Variants in ATF7IP observed in about 807,000 individuals in gnomAD.
ATF7IP encodes the protein activating transcription factor 7-interacting protein 1.
ATF7IP carries 23 observed loss-of-function variants against 106.4 expected under a neutral mutation model. That is an observed-to-expected ratio of 0.22 (90% CI 0.16 to 0.31). The LOEUF (loss-of-function observed/expected upper bound fraction) is 0.31. ATF7IP is among the 10% of genes least tolerant of loss of function. The probability of loss-of-function intolerance (pLI) is 1.00; values close to 1 mark genes in which losing one functional copy is unlikely to be tolerated. For missense variants in ATF7IP, 1,334 were observed against 1,524.3 expected, an observed-to-expected ratio of 0.88 and a Z score of 2.08; for synonymous variants, 542 against 539.0, an observed-to-expected ratio of 1.01 and a Z score of -0.08.
chr12:14,486,638 C>T (rs1944626158), intron 13 of ATF7IP, among the ~76,000 whole-genome samples: 2 of 152,244 alleles, frequency 1.3e-5, no homozygotes, highest in South Asian at 2.1e-4. Flanking sequence ...TCTCTAGGAA[C>T]ACTGTGATTA....
chr12:14,480,868 A>G lies in ATF7IP; in HGVS notation c.3098-135A>G, dbSNP rs1944407139. ...CCTATCATTTTTATCTTAGAAGATC[A>G]TAAAAGGAGACTGTTATTTCTGTTT... On this transcript the variant is annotated intron_variant, in intron 12 of 14. Transcript: ENST00000261168. 4 of 737,930 alleles carry G rather than the reference A, an allele frequency of 5.4e-6. No individual in the cohort carries two copies. In the African/African-American group the frequency reaches 7.1e-5, roughly 13 times the overall value. 45.7% of individuals were successfully genotyped at this position (737,930 alleles called of 1,614,324 possible).
intron 1 of ATF7IP, among the ~76,000 whole-genome samples, chr12:14,382,440 T>C (rs1939037665): frequency 6.6e-6 from 1 of 152,314 alleles, no homozygotes; most frequent in South Asian, 2.1e-4. Flanking sequence ...TAAATCACTT[T>C]TGTTTCCTGT....
At chr12:14,409,066 T>A (rs1023269351) in intron 1 of ATF7IP, among the ~76,000 whole-genome samples, 10 of 152,070 alleles carry the variant, frequency 6.6e-5, no homozygotes, top group Non-Finnish European at 4.4e-5. Context: ...CTTTGGACAC[T>A]TAAAATGTAT....
chr12:14,431,095 A>G (rs375752822), intron 2 of ATF7IP, among the ~76,000 whole-genome samples: 81 of 152,318 alleles, frequency 5.3e-4, no homozygotes, highest in African/African-American at 1.7e-3. Flanking sequence ...CTATTTTGTA[A>G]TCCTTTAAAA....
chr12:14,473,009 A>C (rs1944111011), intron 10 of ATF7IP, among the ~76,000 whole-genome samples: 1 of 152,204 alleles, frequency 6.6e-6, no homozygotes, highest in Non-Finnish European at 1.5e-5. Context: ...GTGAATCCGC[A>C]AGAGAAAAAA....
intron 1 of ATF7IP, among the ~76,000 whole-genome samples, chr12:14,420,623 C>T (rs1410016216): frequency 2.2e-5 from 3 of 133,404 alleles, no homozygotes; most frequent in African/African-American, 9.0e-5. Context: ...AGCGAGACTC[C>T]GTCTCAAAAA....
chr12:14,437,645 G>C (rs933667964), intron 4 of ATF7IP, among the ~76,000 whole-genome samples: 1 of 152,168 alleles, frequency 6.6e-6, no homozygotes, highest in Non-Finnish European at 1.5e-5. Context: ...TTACCCTCTT[G>C]AAGTAGATTT....
At chr12:14,450,359 T>A (rs535032874) in intron 6 of ATF7IP, among the ~76,000 whole-genome samples, 5 of 152,278 alleles carry the variant, frequency 3.3e-5, no homozygotes, top group Non-Finnish European at 7.4e-5. Context: ...TTGATGAGTG[T>A]TTTATTTATT....
At position 14,499,424 on chromosome 12, in the gene ATF7IP, G is replaced by A. The variant is rs1246344494; in HGVS notation, c.*1351G>A. The A allele has an allele frequency of 6.6e-6, 1 of 152,220 alleles. No individual in the cohort carries two copies. Among genetic ancestry groups the A allele is most frequent in the African/African-American group, 2.4e-5 (1 of 41,458 alleles). 9.4% of individuals were successfully genotyped at this position (152,220 alleles called of 1,614,324 possible). Reference sequence around the variant, plus strand: ...TGTTGCACACTGTGTTAGAGATTATGAAAACCATTCTAGTTCAGTTTATCA... The same window carrying A: ...TGTTGCACACTGTGTTAGAGATTATAAAAACCATTCTAGTTCAGTTTATCA... On this transcript the variant is annotated 3_prime_UTR_variant, in exon 15 of 15. Transcript: ENST00000261168.
chr12:14,385,166 G>A, intron 1 of ATF7IP: 1 of 476,508 alleles, frequency 2.1e-6, no homozygotes, highest in Non-Finnish European at 3.7e-6. Flanking sequence ...ATATGCATTA[G>A]CTGTTGTCTA....
chr12:14,403,487 T>C (rs905841517), intron 1 of ATF7IP, among the ~76,000 whole-genome samples: 4 of 152,216 alleles, frequency 2.6e-5, no homozygotes, highest in Non-Finnish European at 5.9e-5. Context: ...CTCTAAGCAC[T>C]GTTCTTTGCA....
intron 9 of ATF7IP, 78 bp from the exon 10 acceptor site, chr12:14,466,448 A>G (rs1759343082): frequency 8.5e-7 from 1 of 1,175,254 alleles, no homozygotes; most frequent in South Asian, 1.3e-5. Context: ...AGAAAACTAC[A>G]TGAATTGTTT....
chr12:14,428,512 C>T (rs1427635500), intron 2 of ATF7IP, among the ~76,000 whole-genome samples: 1 of 152,044 alleles, frequency 6.6e-6, no homozygotes, highest in Non-Finnish European at 1.5e-5. Flanking sequence ...CTTTATATGG[C>T]GACAGAATCT....
chr12:14,371,926 C>T (rs1938547433), intron 1 of ATF7IP, among the ~76,000 whole-genome samples: 1 of 151,884 alleles, frequency 6.6e-6, no homozygotes, highest in South Asian at 2.1e-4. Context: ...AAAGTTCCTG[C>T]CTTTTGAGTT....
chr12:14,441,078 C>G (rs1324594414), intron 5 of ATF7IP, among the ~76,000 whole-genome samples: 1 of 152,058 alleles, frequency 6.6e-6, no homozygotes, highest in Non-Finnish European at 1.5e-5. Flanking sequence ...GTTTTCAAAT[C>G]TTTTAGGAAT....
At chr12:14,456,518 G>GT (rs762218358) in intron 6 of ATF7IP, 43 bp from the exon 7 acceptor site, 1 of 1,388,374 alleles carries the variant, frequency 7.2e-7, no homozygotes, top group Admixed American at 1.7e-5. Context: ...GATTCCCTGT[G>GT]TGTTGAGTTT....
At chr12:14,418,378 C>T (rs535600183) in intron 1 of ATF7IP, among the ~76,000 whole-genome samples, 6 of 152,182 alleles carry the variant, frequency 3.9e-5, no homozygotes, top group Admixed American at 1.3e-4. Context: ...CATCTTCTGC[C>T]GTAAAATACC....
chr12:14,458,342 T>C (rs894417411), intron 8 of ATF7IP, among the ~76,000 whole-genome samples: 1 of 152,216 alleles, frequency 6.6e-6, no homozygotes, highest in Non-Finnish European at 1.5e-5. Flanking sequence ...TGTTTTAAAA[T>C]GTTGATTTGG....
intron 5 of ATF7IP, 120 bp from the exon 6 acceptor site, chr12:14,446,868 C>T (rs1191442843): frequency 9.6e-6 from 6 of 622,736 alleles, no homozygotes; most frequent in East Asian, 6.2e-5. Context: ...TTTCTTTACT[C>T]AGCTATCTTC....
Sources: allele counts gnomAD v4.1 joint callset (sites outside exome capture counted in the v4.1 genomes callset), GRCh38; gene constraint gnomAD v4.1.1; transcripts MANE v1.5; gene names NCBI Gene and HGNC (gene_info 2026-07-23, HGNC 2026-07-21).